DLEU7: variants seen among roughly 807,000 people sequenced by gnomAD.
DLEU7 encodes leukemia-associated protein 7.
A neutral mutation model predicts 16.0 loss-of-function variants in DLEU7; 17 were observed. That is an observed-to-expected ratio of 1.06 (90% CI 0.73 to 1.59). The LOEUF is 1.59. DLEU7 is among the 40% of genes most tolerant of loss of function. The pLI is 0.00. For missense variants in DLEU7, 308 were observed against 314.9 expected (o/e 0.98, Z 0.17); for synonymous variants, 113 against 139.8 (o/e 0.81, Z 1.35).
intron 1 of DLEU7, among the ~76,000 whole-genome samples, chr13:50,813,411 C>A (rs1030015189): frequency 3.3e-5 from 5 of 152,070 alleles, no homozygotes; most frequent in African/African-American, 9.7e-5. Context: ...TGTGTTATGG[C>A]TCAGCTTAGG....
chr13:50,744,399 T>C (rs1874333361), intron 1 of DLEU7, among the ~76,000 whole-genome samples: 1 of 152,238 alleles, frequency 6.6e-6, no homozygotes, highest in Non-Finnish European at 1.5e-5. Context: ...TTAAATTCAC[T>C]CTGTTAAGGT....
chr13:50,751,696 C>G (rs1166861807), intron 1 of DLEU7, among the ~76,000 whole-genome samples: 1 of 152,154 alleles, frequency 6.6e-6, no homozygotes, highest in Non-Finnish European at 1.5e-5. Context: ...TCCATCACTT[C>G]TAGGTTTGCT....
intron 1 of DLEU7, among the ~76,000 whole-genome samples, chr13:50,826,491 A>G (rs1593412142): frequency 1.3e-5 from 2 of 152,298 alleles, no homozygotes; most frequent in South Asian, 4.1e-4. Context: ...ATAAATATGA[A>G]AAAAATACCT....
At chr13:50,732,503 A>T (rs184926144) in intron 1 of DLEU7, among the ~76,000 whole-genome samples, 1 of 148,658 alleles carries the variant, frequency 6.7e-6, no homozygotes, top group East Asian at 2.0e-4. Flanking sequence ...CCAGCTACTC[A>T]GGTCGAGGCA....
At chr13:50,739,450 G>A (rs1874191320) in intron 1 of DLEU7, among the ~76,000 whole-genome samples, 1 of 152,152 alleles carries the variant, frequency 6.6e-6, no homozygotes, top group Admixed American at 6.5e-5. Flanking sequence ...TTAACACTCA[G>A]TTATGAATGG....
chr13:50,810,705 G>A (rs565023383), intron 1 of DLEU7, among the ~76,000 whole-genome samples: 1 of 152,286 alleles, frequency 6.6e-6, no homozygotes, highest in East Asian at 1.9e-4. Flanking sequence ...CATACCCATA[G>A]CTGTTCATCA....
chr13:50,823,530 A>C lies in DLEU7; in HGVS notation c.460-10T>G. The C allele has an allele frequency of 6.5e-7, 1 of 1,534,966 alleles. No homozygotes were observed. The highest frequency in any genetic ancestry group is 1.4e-5 in the African/African-American group (1 of 73,146). ...TAAACTCAACACTATCCTGAAATGA[A>C]CAACAAACACAAACAAGAAATTAGA... On this transcript the variant is annotated splice_polypyrimidine_tract_variant and intron_variant, in intron 1 of 1. Coordinates refer to ENST00000504404, the MANE Select transcript of DLEU7 (RefSeq NM_001306135.2).
At chr13:50,720,720 T>A (rs1362311097) in intron 1 of DLEU7, among the ~76,000 whole-genome samples, 1 of 152,242 alleles carries the variant, frequency 6.6e-6, no homozygotes, top group Non-Finnish European at 1.5e-5. Context: ...ATCCTCTTTA[T>A]ACTTAATTTG....
At chr13:50,752,021 G>T (rs1381104389) in intron 1 of DLEU7, among the ~76,000 whole-genome samples, 1 of 148,060 alleles carries the variant, frequency 6.8e-6, no homozygotes, top group South Asian at 2.1e-4. Context: ...TCCTTGAGGT[G>T]TGACTTTGTG....
rs145000527 is a variant in DLEU7, at chr13:50,760,862, A to C, written c.460-47622T>G. On this transcript the variant is annotated intron_variant, in intron 1 of 1. Transcript: ENST00000400393. ...GAAATCTTGATGGCTTAAATGTGTC[A>C]AAGAGAATTCAGCCTCATCAGATAC... 2.0e-4 allele frequency among the ~76,000 whole-genome samples: 30 copies of C among 152,334 alleles called. No homozygotes were observed. In the East Asian group the frequency reaches 5.0e-3, roughly 25 times the overall value.
At chr13:50,820,284 G>T (rs1231283828), downstream of DLEU7, among the ~76,000 whole-genome samples, 1 of 151,778 alleles carries the variant, frequency 6.6e-6, no homozygotes, top group Admixed American at 6.6e-5. Context: ...AATGAGTTTT[G>T]CTGTTAAGAG....
intron 1 of DLEU7, among the ~76,000 whole-genome samples, chr13:50,753,652 CA>C (rs766707373): frequency 3.2e-4 from 48 of 152,140 alleles, no homozygotes; most frequent in Admixed American, 9.8e-4. Flanking sequence ...GGCCCGCAAG[CA>C]CCGTGCGCAG....
chr13:50,736,981 C>T (rs1053003453), intron 1 of DLEU7, among the ~76,000 whole-genome samples: 17 of 152,018 alleles, frequency 1.1e-4, no homozygotes, highest in Admixed American at 9.8e-4. Flanking sequence ...ATCTGAATAG[C>T]GCAATATCAT....
intron 1 of DLEU7, among the ~76,000 whole-genome samples, chr13:50,739,005 GCA>G (rs368778519): frequency 0.34 from 39,276 of 114,148 alleles, 6,500 homozygotes; most frequent in African/African-American, 0.54. Context: ...ACACACACAC[GCA>G]CACACACACA....
chr13:50,763,241 G>A (rs1209307281), intron 1 of DLEU7, among the ~76,000 whole-genome samples: 1 of 152,168 alleles, frequency 6.6e-6, no homozygotes, highest in Non-Finnish European at 1.5e-5. Context: ...TTGTAATAAG[G>A]AGGCTGGATC....
At chr13:50,740,220 A>G (rs1448251573) in intron 1 of DLEU7, among the ~76,000 whole-genome samples, 1 of 152,186 alleles carries the variant, frequency 6.6e-6, no homozygotes, top group African/African-American at 2.4e-5. Flanking sequence ...AAAAGGATGA[A>G]AACTGAAACG....
intron 1 of DLEU7, among the ~76,000 whole-genome samples, chr13:50,779,692 G>A (rs1875600462): frequency 6.6e-6 from 1 of 152,092 alleles, no homozygotes; most frequent in South Asian, 2.1e-4. Flanking sequence ...TCCTGTCTAG[G>A]TCATATGCCT....
chr13:50,818,937 TA>T (rs1369859454), downstream of DLEU7, among the ~76,000 whole-genome samples: 10 of 152,292 alleles, frequency 6.6e-5, no homozygotes, highest in African/African-American at 2.4e-4. Flanking sequence ...TTCACCACAA[TA>T]TCCCTAATGT....
At chr13:50,805,738 C>G (rs1362165628) in intron 1 of DLEU7, among the ~76,000 whole-genome samples, 2 of 152,166 alleles carry the variant, frequency 1.3e-5, no homozygotes, top group Admixed American at 1.3e-4. Flanking sequence ...GAAACCTCAC[C>G]ACTTTGAGGC....
Sources: gnomAD v4.1 joint callset for allele counts (sites outside exome capture counted in the v4.1 genomes callset) on GRCh38, gnomAD v4.1.1 for gene constraint, MANE v1.5 for transcripts, NCBI Gene and HGNC (gene_info 2026-07-23, HGNC 2026-07-21) for gene names.